The following DNM2 variants were observed in gnomAD, a reference collection of about 807,000 sequenced individuals.
DNM2 encodes dynamin 2, also known as dynamin-2.
Under a neutral mutation model 99.0 loss-of-function variants are expected in DNM2, and 15 were observed. The observed-to-expected ratio is 0.15, with a 90% CI of 0.10 to 0.23. The LOEUF is 0.23. Among genes scored for constraint, DNM2 ranks in the 10% least tolerant of loss-of-function variants. The pLI, the probability that DNM2 is intolerant of heterozygous loss-of-function variation, is 1.00. For missense variants in DNM2, 742 were observed against 1,189.4 expected (o/e 0.62, Z 5.53); for synonymous variants, 525 against 481.2 (o/e 1.09, Z -1.19).
rs2072729961 is a variant in DNM2, at chr19:10,816,114, G to T, written c.1671+3737G>T. Among the ~76,000 whole-genome samples, 2 of 152,194 alleles carry T rather than the reference G, an allele frequency of 1.3e-5. No individual in the cohort carries two copies. Among genetic ancestry groups the T allele is most frequent in the Non-Finnish European group, 2.9e-5 (2 of 67,976 alleles). On this transcript the variant is annotated intron_variant, in intron 15 of 20. Coordinates refer to ENST00000389253, the MANE Select transcript of DNM2 (RefSeq NM_001005361.3). This position sits in a 1 kb window ranked among gnomAD's most constrained non-coding sequence, Gnocchi z 4.6. The stretch of plus-strand genomic sequence containing the variant: ...GTGACTTGCCCCACATCATGGAGCG[G>T]GGGAGGGTCCCCCTGGGGTGGAGGC...
intron 2 of DNM2, among the ~76,000 whole-genome samples, chr19:10,761,322 A>T (rs2070625604): frequency 6.6e-6 from 1 of 152,014 alleles, no homozygotes; most frequent in East Asian, 1.9e-4. Flanking sequence ...ACTCTTAGGG[A>T]GACCCAGCCT....
chr19:10,796,840 G>A lies in DNM2; in HGVS notation c.1197-540G>A, dbSNP rs1277626275. On this transcript the variant is annotated intron_variant, in intron 9 of 20. Coordinates refer to ENST00000389253, the MANE Select transcript of DNM2 (RefSeq NM_001005361.3). This position sits in a 1 kb window ranked among gnomAD's most constrained non-coding sequence, Gnocchi z 5.6. ...GACGCGCCGGGCTCCCCCAACCCGC[G>A]CCAACGCCGCGGGCCTGGTTCCCAG... Among the ~76,000 whole-genome samples the A allele has an allele frequency of 6.6e-6, 1 of 152,018 alleles. No individual in the cohort carries two copies. The highest frequency in any genetic ancestry group is 1.5e-5 in the Non-Finnish European group (1 of 68,018).
At chr19:10,718,454 G>T (rs1262294692) in intron 1 of DNM2, 51 bp downstream of exon 1, 2 of 1,334,284 alleles carry the variant, frequency 1.5e-6, no homozygotes, top group African/African-American at 3.1e-5. Flanking sequence ...AGGGCGCGGA[G>T]GGCGGACCGG....
At chr19:10,825,484 C>G (rs960810057) in intron 18 of DNM2, among the ~76,000 whole-genome samples, 5 of 152,124 alleles carry the variant, frequency 3.3e-5, no homozygotes, top group African/African-American at 1.2e-4. Context: ...GACTGACCAA[C>G]ATGGTGAAAC....
rs1436986828 is a variant in DNM2 at position 10,775,114 on chromosome 19, C to T, written c.386-589C>T. Among the ~76,000 whole-genome samples, 1 of 151,258 alleles carries T rather than the reference C, an allele frequency of 6.6e-6. No individual in the cohort carries two copies. Among genetic ancestry groups the T allele is most frequent in the African/African-American group, 2.4e-5 (1 of 41,084 alleles). On this transcript the variant is annotated intron_variant, in intron 3 of 20. Transcript: ENST00000389253. This position sits in a 1 kb window ranked among gnomAD's most constrained non-coding sequence, Gnocchi z 4.3. ...TTTTTGTTTTTTTGAGACAGTCTTG[C>T]TCTGTCGCCCAGGCTGGAGTGCAGT... is the stretch of plus-strand genomic sequence containing the variant.
intron 1 of DNM2, among the ~76,000 whole-genome samples, chr19:10,720,389 T>C (rs938680378): frequency 2.0e-5 from 3 of 151,712 alleles, no homozygotes; most frequent in African/African-American, 7.3e-5. Flanking sequence ...ATTTTTGTAT[T>C]TTTAGTAGAG....
intron 2 of DNM2, among the ~76,000 whole-genome samples, chr19:10,767,460 C>T (rs1030854403): frequency 3.3e-5 from 5 of 152,200 alleles, no homozygotes; most frequent in African/African-American, 4.8e-5. Context: ...TACAGGCTTG[C>T]GCCACCACGC....
rs1255791809 is a variant in DNM2, at chr19:10,775,527, T to A, written c.386-176T>A. 6.6e-6 allele frequency among the ~76,000 whole-genome samples: 1 copy of A among 152,184 alleles called. No homozygotes were observed. Among genetic ancestry groups the A allele is most frequent in the Non-Finnish European group, 1.5e-5 (1 of 68,036 alleles). On this transcript the variant is annotated intron_variant, in intron 3 of 20. Transcript: ENST00000389253. This position sits in a 1 kb window ranked among gnomAD's most constrained non-coding sequence, Gnocchi z 4.3. ...GAGTAGGTAGAAGGTATCTGTAGGATGGGATCCTAGAAGGGGAGTTACTGG... is the reference window on the plus strand; with the variant it reads ...GAGTAGGTAGAAGGTATCTGTAGGAAGGGATCCTAGAAGGGGAGTTACTGG...
intron 16 of DNM2, among the ~76,000 whole-genome samples, chr19:10,822,088 G>A (rs1194620046): frequency 6.6e-6 from 1 of 152,162 alleles, no homozygotes; most frequent in Non-Finnish European, 1.5e-5. Context: ...CATGTGGCAC[G>A]GGGCCTGGCC....
chr19:10,718,693 A>C (rs1373991718), intron 1 of DNM2: 1 of 274,258 alleles, frequency 3.6e-6, no homozygotes, highest in Non-Finnish European at 6.6e-6. Context: ...TTCGTGGGTG[A>C]AGTCTGCCAT....
chr19:10,732,290 C>T (rs2069350560), intron 1 of DNM2, among the ~76,000 whole-genome samples: 1 of 125,268 alleles, frequency 8.0e-6, no homozygotes, highest in Admixed American at 8.5e-5. Context: ...ACTGTTTACT[C>T]GTTGTGGAGA....
chr19:10,760,363 T>C (rs1170769661), intron 2 of DNM2, among the ~76,000 whole-genome samples: 1 of 152,096 alleles, frequency 6.6e-6, no homozygotes, highest in Non-Finnish European at 1.5e-5. Context: ...TCATGTGTTA[T>C]AGATAACCCG....
At chr19:10,756,678 C>T (rs764090448) in intron 1 of DNM2, among the ~76,000 whole-genome samples, 8 of 152,108 alleles carry the variant, frequency 5.3e-5, no homozygotes, top group South Asian at 2.1e-4. Flanking sequence ...AGACAGGATG[C>T]AGAGGCCAGG....
intron 2 of DNM2, among the ~76,000 whole-genome samples, chr19:10,771,228 C>T (rs750860498): frequency 1.3e-5 from 2 of 152,206 alleles, no homozygotes; most frequent in African/African-American, 2.4e-5. Flanking sequence ...CCTGTGTACT[C>T]GGCAGCCACC....
At chr19:10,829,976 G>A (rs1390115837) in intron 19 of DNM2, 151 bp from the exon 20 acceptor site, 3 of 1,186,662 alleles carry the variant, frequency 2.5e-6, no homozygotes, top group Non-Finnish European at 3.7e-6. Context: ...AGGGAAGGTG[G>A]GACTGGCGCT....
chr19:10,802,157 C>A (rs1394440712), intron 11 of DNM2, 131 bp from the exon 12 acceptor site: 1 of 897,006 alleles, frequency 1.1e-6, no homozygotes, highest in Non-Finnish European at 1.8e-6. Flanking sequence ...GACGCCAGCC[C>A]CTGTTCTCCT....
chr19:10,731,593 A>G (rs895848969), intron 1 of DNM2, among the ~76,000 whole-genome samples: 2 of 152,128 alleles, frequency 1.3e-5, no homozygotes, highest in African/African-American at 4.8e-5. Flanking sequence ...GCCTCAGGTG[A>G]TCCACCCGCC....
At position 10,830,041 on chromosome 19, in the gene DNM2, C is replaced by T. The variant is rs1014816962; in HGVS notation, c.2292-86C>T. 2 of 1,584,578 alleles carry T rather than the reference C, an allele frequency of 1.3e-6. No homozygotes were observed. The highest frequency in any genetic ancestry group is 4.5e-5 in the East Asian group (2 of 44,716). Reference sequence around the variant, plus strand: ...CTGCGCTGTCCCCATAGCCAGCCCCCACCTCAGGTTCTGGCAGCCACAGTG... The same window carrying T: ...CTGCGCTGTCCCCATAGCCAGCCCCTACCTCAGGTTCTGGCAGCCACAGTG... On this transcript the variant is annotated intron_variant, in intron 19 of 20. Coordinates refer to ENST00000389253, the MANE Select transcript of DNM2 (RefSeq NM_001005361.3). The surrounding 1 kb of genome is among the most constrained non-coding windows in gnomAD (Gnocchi z 4.8).
intron 16 of DNM2, among the ~76,000 whole-genome samples, chr19:10,822,735 T>G (rs1043217800): frequency 6.6e-6 from 1 of 151,810 alleles, no homozygotes; most frequent in African/African-American, 2.4e-5. Flanking sequence ...CTGACCTCAG[T>G]TGATCCTCCT....
Sources: gnomAD v4.1 joint callset for allele counts (sites outside exome capture counted in the v4.1 genomes callset) on GRCh38, gnomAD v4.1.1 for gene constraint, Gnocchi (gnomAD v3.1) non-coding constraint, MANE v1.5 for transcripts, NCBI Gene and HGNC (gene_info 2026-07-23, HGNC 2026-07-21) for gene names.